The following CHRM3 variants were observed in gnomAD, a reference collection of about 807,000 sequenced individuals.
CHRM3 encodes the protein muscarinic acetylcholine receptor M3.
CHRM3 carries 11 observed loss-of-function variants against 41.8 expected under a neutral mutation model. That is an observed-to-expected ratio of 0.26 (90% CI 0.17 to 0.44). The LOEUF is 0.44. Among genes scored for constraint, CHRM3 ranks in the 20% least tolerant of loss-of-function variants. CHRM3 has a pLI of 1.00. For synonymous variants in CHRM3, 297 were observed against 301.4 expected (o/e 0.99, Z 0.15); for missense variants, 571 against 745.4 (o/e 0.77, Z 2.72).
intron 3 of CHRM3, among the ~76,000 whole-genome samples, chr1:239,552,507 T>A (rs35274248): frequency 0.58 from 84,614 of 145,740 alleles, 24,769 homozygotes; most frequent in East Asian, 0.72. Flanking sequence ...AATATATATT[T>A]TATATATATA....
intron 3 of CHRM3, among the ~76,000 whole-genome samples, chr1:239,587,092 G>A (rs10802777): frequency 0.82 from 124,441 of 152,138 alleles, 53,382 homozygotes; most frequent in Non-Finnish European, 0.93. Context: ...TGACTTCAGC[G>A]CTACCTCACA....
intron 1 of CHRM3, among the ~76,000 whole-genome samples, chr1:239,477,652 T>C (rs1666557907): frequency 6.6e-6 from 1 of 152,188 alleles, no homozygotes; most frequent in African/African-American, 2.4e-5. Context: ...CATCCACCCA[T>C]TGACTTTTTC....
At chr1:239,428,124 G>T (rs974302894) in intron 1 of CHRM3, among the ~76,000 whole-genome samples, 3 of 152,156 alleles carry the variant, frequency 2.0e-5, no homozygotes, top group African/African-American at 4.8e-5. Context: ...CTACAAGCAC[G>T]TGCTCGAAAG....
At chr1:239,604,533 G>A (rs1350403464) in intron 3 of CHRM3, among the ~76,000 whole-genome samples, 2 of 152,158 alleles carry the variant, frequency 1.3e-5, no homozygotes, top group East Asian at 3.9e-4. Context: ...TGAGATTTAC[G>A]TCCAGAGACA....
At position 239,488,714 on chromosome 1, in the gene CHRM3, C is replaced by CA. The variant is rs763682628; in HGVS notation, c.-520-3958dup. Reference sequence around the variant, plus strand: ...TGGATGACAGAGCGAGACTCCTTCTCAAAAAAAAAAAAAAAAAAAAAAAAA... The same window carrying CA: ...TGGATGACAGAGCGAGACTCCTTCTCAAAAAAAAAAAAAAAAAAAAAAAAAA... On this transcript the variant is annotated intron_variant, in intron 1 of 6. Coordinates refer to ENST00000676153, the MANE Select transcript of CHRM3 (RefSeq NM_001375978.1). 6.4e-3 allele frequency among the ~76,000 whole-genome samples: 297 copies of CA among 46,220 alleles called. 73 individuals carry two copies. The highest frequency in any genetic ancestry group is 0.03 in the African/African-American group (291 of 9,802). The allele number at this position is 46,220 out of a possible 152,430, so 30.3% of individuals were successfully genotyped here.
At chr1:239,760,531 C>T (rs1365929162) in intron 5 of CHRM3, among the ~76,000 whole-genome samples, 1 of 152,176 alleles carries the variant, frequency 6.6e-6, no homozygotes, top group Non-Finnish European at 1.5e-5. Context: ...CACACTGGGC[C>T]TTTTCCCACC....
chr1:239,482,081 T>C (rs930282060), intron 1 of CHRM3, among the ~76,000 whole-genome samples: 1 of 152,152 alleles, frequency 6.6e-6, no homozygotes, highest in Non-Finnish European at 1.5e-5. Flanking sequence ...TTTCTCTTCT[T>C]TTATATTCTC....
chr1:239,542,331 G>A (rs897340466), intron 2 of CHRM3, among the ~76,000 whole-genome samples: 2 of 152,074 alleles, frequency 1.3e-5, no homozygotes, highest in African/African-American at 4.8e-5. Flanking sequence ...TAAATAGAGA[G>A]GCACCCCAAA....
intron 2 of CHRM3, among the ~76,000 whole-genome samples, chr1:239,541,452 A>G (rs760210461): frequency 6.6e-6 from 1 of 152,222 alleles, no homozygotes; most frequent in Non-Finnish European, 1.5e-5. Flanking sequence ...ATGGATCTCC[A>G]AGATAACTAA....
At chr1:239,401,145 G>A (rs906542143) in intron 1 of CHRM3, among the ~76,000 whole-genome samples, 3 of 152,262 alleles carry the variant, frequency 2.0e-5, no homozygotes, top group South Asian at 2.1e-4. Flanking sequence ...GTTAAGCTAC[G>A]GATGAAATAC....
At chr1:239,875,021 A>T (rs1156757997) in intron 6 of CHRM3, among the ~76,000 whole-genome samples, 2 of 152,184 alleles carry the variant, frequency 1.3e-5, no homozygotes, top group African/African-American at 4.8e-5. Flanking sequence ...AAATGGCAAA[A>T]AACGCAATTA....
At chr1:239,806,336 A>AACAC (rs112010872) in intron 5 of CHRM3, among the ~76,000 whole-genome samples, 4 of 149,742 alleles carry the variant, frequency 2.7e-5, no homozygotes, top group South Asian at 2.1e-4. Context: ...GGAGTTACAC[A>AACAC]ACACACACAC....
chr1:239,768,560 A>C (rs1245622242), intron 5 of CHRM3, among the ~76,000 whole-genome samples: 2 of 152,052 alleles, frequency 1.3e-5, no homozygotes, highest in African/African-American at 4.8e-5. Flanking sequence ...AGAATAAAAG[A>C]ATTGTGGCTT....
intron 1 of CHRM3, among the ~76,000 whole-genome samples, chr1:239,390,388 G>T (rs1399962301): frequency 6.6e-6 from 1 of 152,162 alleles, no homozygotes; most frequent in Non-Finnish European, 1.5e-5. Flanking sequence ...ATTTTATGAA[G>T]AGATAATCTA....
At chr1:239,628,911 C>T (rs1669376390) in intron 3 of CHRM3, among the ~76,000 whole-genome samples, 1 of 72,170 alleles carries the variant, frequency 1.4e-5, no homozygotes, top group Non-Finnish European at 2.7e-5. Flanking sequence ...TCAAAGCTGT[C>T]AGACAGGGAC....
At chr1:239,464,255 G>A (rs1665565476) in intron 1 of CHRM3, among the ~76,000 whole-genome samples, 1 of 148,814 alleles carries the variant, frequency 6.7e-6, no homozygotes, top group African/African-American at 2.5e-5. Flanking sequence ...ACTCCAGCCT[G>A]TGTGACAGAG....
At chr1:239,736,566 T>C (rs188343957) in intron 5 of CHRM3, among the ~76,000 whole-genome samples, 5 of 152,200 alleles carry the variant, frequency 3.3e-5, no homozygotes, top group Admixed American at 3.3e-4. Context: ...TTATCGGATG[T>C]TGAACCTAAT....
At chr1:239,433,585 A>G (rs1033627134) in intron 1 of CHRM3, among the ~76,000 whole-genome samples, 3 of 152,054 alleles carry the variant, frequency 2.0e-5, no homozygotes, top group Non-Finnish European at 2.9e-5. Context: ...ACTGAACCCA[A>G]TTTGTAGTCT....
At chr1:239,442,414 A>G (rs1009695089) in intron 1 of CHRM3, among the ~76,000 whole-genome samples, 1 of 151,908 alleles carries the variant, frequency 6.6e-6, no homozygotes, top group Non-Finnish European at 1.5e-5. Flanking sequence ...GCCAAAATAC[A>G]TGTTAGTTCT....
Sources: allele counts gnomAD v4.1 joint callset (sites outside exome capture counted in the v4.1 genomes callset), GRCh38; gene constraint gnomAD v4.1.1; transcripts MANE v1.5; gene names NCBI Gene and HGNC (gene_info 2026-07-23, HGNC 2026-07-21).